Variants in TYW1B observed in about 807,000 individuals in gnomAD.
TYW1B encodes the protein tRNA-yW synthesizing protein 1 homolog B.
A neutral mutation model predicts 86.9 loss-of-function variants in TYW1B; 73 were observed. The ratio of observed to expected loss-of-function variants is 0.84; its 90% confidence interval spans 0.70 to 1.02. TYW1B has a LOEUF of 1.02. TYW1B is among the 50% of genes least tolerant of loss of function. The pLI, the probability that TYW1B is intolerant of heterozygous loss-of-function variation, is 0.00. For synonymous variants in TYW1B, 248 were observed against 292.8 expected (o/e 0.85, Z 1.56); for missense variants, 637 against 827.4 (o/e 0.77, Z 2.82).
At chr7:72,578,679 C>A (rs185680677) in intron 13 of TYW1B, among the ~76,000 whole-genome samples, 1 of 152,178 alleles carries the variant, frequency 6.6e-6, no homozygotes, top group Admixed American at 6.5e-5. Context: ...CATGGGCCAA[C>A]TGGGCCAACT....
At chr7:72,791,668 T>G (rs1554473491) in intron 6 of TYW1B, among the ~76,000 whole-genome samples, 1 of 152,024 alleles carries the variant, frequency 6.6e-6, no homozygotes, top group Non-Finnish European at 1.5e-5. Context: ...TCCCAGCTAC[T>G]CGGGAGGCTA....
Position 72,759,159 on chromosome 7 carries a change from C to T in TYW1B, c.965-14558G>A, listed in dbSNP as rs1183168281. Reference sequence around the variant, plus strand: ...CAGCCTGAGCAACATGGCGAAACCTCGTATCTACCAAAAAATACAAACAAT... The same window carrying T: ...CAGCCTGAGCAACATGGCGAAACCTTGTATCTACCAAAAAATACAAACAAT... On this transcript the variant is annotated intron_variant, in intron 7 of 13. Coordinates refer to ENST00000620995, the MANE Select transcript of TYW1B (RefSeq NM_001145440.3). Among the ~76,000 whole-genome samples the T allele has an allele frequency of 4.6e-5, 7 of 152,196 alleles. 1 individual carries two copies. The South Asian group carries it at 6.2e-4, about 14-fold the overall frequency.
intron 8 of TYW1B, among the ~76,000 whole-genome samples, chr7:72,743,609 C>T (rs1215432178): frequency 5.9e-5 from 9 of 151,918 alleles, no homozygotes; most frequent in Non-Finnish European, 1.2e-4. Context: ...TTTGGGAGGC[C>T]GAGGTGGGCG....
chr7:72,736,112 T>C (rs1787193176), intron 8 of TYW1B, among the ~76,000 whole-genome samples: 1 of 152,112 alleles, frequency 6.6e-6, no homozygotes, highest in Non-Finnish European at 1.5e-5. Flanking sequence ...ACAGGGACAT[T>C]TATAACCTGA....
intron 13 of TYW1B, among the ~76,000 whole-genome samples, chr7:72,599,794 T>C (rs1811615496): frequency 1.3e-5 from 2 of 151,946 alleles, no homozygotes; most frequent in African/African-American, 4.8e-5. Flanking sequence ...TACATTAGCA[T>C]CAAAAAATTG....
At chr7:72,774,939 G>A (rs1554470320) in intron 7 of TYW1B, among the ~76,000 whole-genome samples, 1 of 151,950 alleles carries the variant, frequency 6.6e-6, no homozygotes, top group Non-Finnish European at 1.5e-5. Flanking sequence ...GTATTCTATA[G>A]GCTCAAAAAG....
intron 1 of TYW1B, 73 bp from the exon 2 acceptor site, chr7:72,827,058 A>T: frequency 6.6e-7 from 1 of 1,520,066 alleles, no homozygotes. Flanking sequence ...CCCGATTTTA[A>T]GAAGAAAATA....
intron 13 of TYW1B, among the ~76,000 whole-genome samples, chr7:72,604,386 C>T (rs1263588867): frequency 1.3e-5 from 2 of 151,994 alleles, no homozygotes; most frequent in Non-Finnish European, 2.9e-5. Context: ...TGCTTGAACC[C>T]GGGAGATGGA....
intron 11 of TYW1B, among the ~76,000 whole-genome samples, chr7:72,646,637 G>C (rs1812938068): frequency 6.6e-6 from 1 of 152,174 alleles, no homozygotes; most frequent in Non-Finnish European, 1.5e-5. Flanking sequence ...GCCTCCCAGA[G>C]TGCTGGGATT....
chr7:72,583,027 T>C (rs1311814957), intron 13 of TYW1B, among the ~76,000 whole-genome samples: 1 of 152,028 alleles, frequency 6.6e-6, no homozygotes, highest in Non-Finnish European at 1.5e-5. Flanking sequence ...CAGGAGAAGG[T>C]AGAAGCAAGC....
chr7:72,824,569 C>A (rs1319870028), intron 2 of TYW1B, among the ~76,000 whole-genome samples: 7 of 151,888 alleles, frequency 4.6e-5, no homozygotes, highest in Non-Finnish European at 7.4e-5. Flanking sequence ...GGTGAAACCT[C>A]GTCTCTACTA....
At position 72,713,716 on chromosome 7, in the gene TYW1B, T is replaced by C. The variant is rs782663981; in HGVS notation, c.1275A>G (p.Ile425Met). 1 of 1,613,550 alleles carries C rather than the reference T, an allele frequency of 6.2e-7. No individual in the cohort carries two copies. Among genetic ancestry groups the C allele is most frequent in the Non-Finnish European group, 8.5e-7 (1 of 1,179,910 alleles). Residue 425 changes from isoleucine to methionine, a missense_variant, in exon 10 of 14, where the codon ATA (isoleucine) becomes ATG (methionine). By Grantham distance (10) the Ile-to-Met change is conservative (BLOSUM62 1). Coordinates refer to ENST00000620995, the MANE Select transcript of TYW1B (RefSeq NM_001145440.3). ...HCALSLVGEP[I>M]MYPEINRFLK... ...AAAACCTGTTGATCTCTGGGTACAT[T>C]ATTGGTTCTCCCACGAGGGACAATG... is the stretch of plus-strand genomic sequence containing the variant.
At chr7:72,789,841 A>T (rs1554473086) in intron 6 of TYW1B, among the ~76,000 whole-genome samples, 1 of 151,874 alleles carries the variant, frequency 6.6e-6, no homozygotes. Flanking sequence ...AATAGATGAA[A>T]CACAGTGTAC....
At chr7:72,663,494 C>T (rs1280831632) in intron 11 of TYW1B, among the ~76,000 whole-genome samples, 2 of 151,954 alleles carry the variant, frequency 1.3e-5, no homozygotes, top group African/African-American at 4.8e-5. Flanking sequence ...CACGGTGGCT[C>T]CCACCTGTAA....
intron 2 of TYW1B, among the ~76,000 whole-genome samples, chr7:72,822,003 T>C (rs1188295208): frequency 2.0e-5 from 3 of 151,574 alleles, no homozygotes; most frequent in African/African-American, 7.3e-5. Context: ...CCTAACACTT[T>C]CAGTAGCCGA....
intron 11 of TYW1B, among the ~76,000 whole-genome samples, chr7:72,636,274 A>C (rs1812665955): frequency 6.6e-6 from 1 of 152,198 alleles, no homozygotes. Flanking sequence ...CAGAAATATA[A>C]CTGATTTTTG....
intron 9 of TYW1B, among the ~76,000 whole-genome samples, chr7:72,723,292 G>A (rs1156828326): frequency 2.0e-5 from 3 of 152,146 alleles, no homozygotes; most frequent in Non-Finnish European, 4.4e-5. Flanking sequence ...AATAATTAAT[G>A]AGCTAAGAGT....
intron 10 of TYW1B, among the ~76,000 whole-genome samples, chr7:72,705,976 T>C (rs1814599844): frequency 1.3e-5 from 2 of 152,322 alleles, no homozygotes; most frequent in South Asian, 4.1e-4. Context: ...TCTCTAGGAC[T>C]GCAAAGCTGA....
At chr7:72,783,995 T>TA (rs1788089424) in intron 6 of TYW1B, among the ~76,000 whole-genome samples, 1 of 152,216 alleles carries the variant, frequency 6.6e-6, no homozygotes, top group African/African-American at 2.4e-5. Flanking sequence ...TTCTGCAATT[T>TA]AAATAGCTGG....
Sources: allele counts gnomAD v4.1 joint callset (sites outside exome capture counted in the v4.1 genomes callset), GRCh38; gene constraint gnomAD v4.1.1; transcripts MANE v1.5; gene names NCBI Gene and HGNC (gene_info 2026-07-23, HGNC 2026-07-21).